Variants in WDFY2 observed in about 807,000 individuals in gnomAD.
WDFY2 encodes the protein WD repeat and FYVE domain-containing protein 2.
WDFY2 carries 36 observed loss-of-function variants against 56.4 expected under a neutral mutation model. The observed-to-expected ratio is 0.64, with a 90% CI of 0.49 to 0.84. The LOEUF (loss-of-function observed/expected upper bound fraction) is 0.84. WDFY2 is among the 40% of genes least tolerant of loss of function. The probability of loss-of-function intolerance (pLI) is 0.00; values close to 1 mark genes in which losing one functional copy is unlikely to be tolerated. For missense variants in WDFY2, 444 were observed against 512.2 expected, an observed-to-expected ratio of 0.87 and a Z score of 1.29; for synonymous variants, 176 against 183.7, an observed-to-expected ratio of 0.96 and a Z score of 0.34.
intron 6 of WDFY2, among the ~76,000 whole-genome samples, chr13:51,738,506 A>G (rs935898443): frequency 4.6e-5 from 7 of 152,234 alleles, no homozygotes; most frequent in Admixed American, 1.3e-4. Flanking sequence ...TGCATTTTAC[A>G]GTTGAGGAAA....
intron 2 of WDFY2, 149 bp downstream of exon 2, chr13:51,660,812 C>T: frequency 1.6e-6 from 1 of 644,042 alleles, no homozygotes; most frequent in Non-Finnish European, 2.6e-6. Context: ...TTTTCTAAGG[C>T]TTTCACTATG....
intron 1 of WDFY2, among the ~76,000 whole-genome samples, chr13:51,608,090 A>G (rs1226922088): frequency 6.6e-6 from 1 of 152,164 alleles, no homozygotes; most frequent in Non-Finnish European, 1.5e-5. Context: ...CCCTGTTGAC[A>G]CCTTGATTTT....
At chr13:51,733,815 T>C (rs1040404244) in intron 6 of WDFY2, among the ~76,000 whole-genome samples, 1 of 152,132 alleles carries the variant, frequency 6.6e-6, no homozygotes, top group African/African-American at 2.4e-5. Context: ...GGTGATGGCA[T>C]TTCCTGAAAC....
At chr13:51,758,167 C>G (rs757273060) in intron 10 of WDFY2, 25 bp from the exon 11 acceptor site, 1 of 1,528,240 alleles carries the variant, frequency 6.5e-7, no homozygotes, top group South Asian at 1.2e-5. Flanking sequence ...CTTTTCCCCT[C>G]AGAAGCTTTC....
intron 1 of WDFY2, among the ~76,000 whole-genome samples, chr13:51,623,535 AT>A (rs1954781731): frequency 1.3e-5 from 2 of 151,988 alleles, no homozygotes; most frequent in African/African-American, 4.8e-5. Flanking sequence ...AAAAATCTCC[AT>A]TTTTTAAATA....
intron 7 of WDFY2, 56 bp downstream of exon 7, chr13:51,739,231 T>C (rs1952910799): frequency 2.6e-6 from 4 of 1,523,716 alleles, no homozygotes; most frequent in Non-Finnish European, 3.5e-6. Context: ...AGCTGACAGC[T>C]AGAACAAAGG....
intron 6 of WDFY2, among the ~76,000 whole-genome samples, chr13:51,734,989 A>C (rs1268707586): frequency 6.6e-6 from 1 of 152,238 alleles, no homozygotes; most frequent in Non-Finnish European, 1.5e-5. Flanking sequence ...CACTGCCTGG[A>C]ATGCAGGGTA....
intron 3 of WDFY2, among the ~76,000 whole-genome samples, chr13:51,689,001 C>T (rs770384658): frequency 6.6e-6 from 1 of 152,192 alleles, no homozygotes; most frequent in Non-Finnish European, 1.5e-5. Flanking sequence ...TTGTGTGATA[C>T]ATCAGTGTTC....
chr13:51,649,917 A>G (rs1238253859), intron 1 of WDFY2, among the ~76,000 whole-genome samples: 3 of 152,034 alleles, frequency 2.0e-5, no homozygotes, highest in Non-Finnish European at 4.4e-5. Flanking sequence ...TTTTGGTTCC[A>G]TATGAACTTT....
At chr13:51,696,846 A>G (rs1438470479) in intron 3 of WDFY2, among the ~76,000 whole-genome samples, 1 of 152,258 alleles carries the variant, frequency 6.6e-6, no homozygotes, top group African/African-American at 2.4e-5. Context: ...TAACTACATA[A>G]AATGCAGAAC....
At chr13:51,623,545 T>A (rs1200350636) in intron 1 of WDFY2, among the ~76,000 whole-genome samples, 1 of 152,200 alleles carries the variant, frequency 6.6e-6, no homozygotes, top group Non-Finnish European at 1.5e-5. Flanking sequence ...ATTTTTTAAA[T>A]AACCAGTTGT....
At chr13:51,681,836 C>T (rs1272885871) in intron 3 of WDFY2, among the ~76,000 whole-genome samples, 1 of 152,134 alleles carries the variant, frequency 6.6e-6, no homozygotes, top group Admixed American at 6.6e-5. Context: ...AAAACTCTTG[C>T]TGTATTGTGC....
intron 2 of WDFY2, among the ~76,000 whole-genome samples, chr13:51,663,002 A>G (rs1331416641): frequency 1.3e-5 from 2 of 152,194 alleles, no homozygotes; most frequent in Middle Eastern, 3.2e-3. Context: ...GCATTTAACA[A>G]AATCCCTAGA....
At chr13:51,646,831 G>T (rs1204834466) in intron 1 of WDFY2, among the ~76,000 whole-genome samples, 1 of 152,188 alleles carries the variant, frequency 6.6e-6, no homozygotes, top group East Asian at 1.9e-4. Context: ...GCTAGGATGG[G>T]TAGGGGCATG....
chr13:51,759,188 T>G (rs1953499119), intron 11 of WDFY2, among the ~76,000 whole-genome samples: 1 of 152,098 alleles, frequency 6.6e-6, no homozygotes. Flanking sequence ...CTCAAAATAA[T>G]TAATTAATTA....
chr13:51,584,856 G>T (rs199599236), intron 1 of WDFY2, 32 bp downstream of exon 1: 4 of 1,609,990 alleles, frequency 2.5e-6, no homozygotes, highest in East Asian at 4.5e-5. Flanking sequence ...CCGCGAGGAG[G>T]GGCGGGACGG....
intron 3 of WDFY2, among the ~76,000 whole-genome samples, chr13:51,702,793 T>C (rs1016804279): frequency 5.9e-5 from 9 of 152,354 alleles, no homozygotes; most frequent in Admixed American, 5.2e-4. Context: ...CAATTTATTA[T>C]ACTTTGCAGC....
At chr13:51,707,184 G>A (rs1952101689) in intron 4 of WDFY2, among the ~76,000 whole-genome samples, 1 of 152,206 alleles carries the variant, frequency 6.6e-6, no homozygotes, top group Non-Finnish European at 1.5e-5. Flanking sequence ...CAGGGAGACA[G>A]GGTCTCAATC....
intron 1 of WDFY2, among the ~76,000 whole-genome samples, chr13:51,645,691 ATTC>A (rs927452434): frequency 6.6e-6 from 1 of 152,150 alleles, no homozygotes; most frequent in Non-Finnish European, 1.5e-5. Context: ...AAGAAGGATT[ATTC>A]TTCTGCCTCT....
Sources: allele counts gnomAD v4.1 joint callset (sites outside exome capture counted in the v4.1 genomes callset), GRCh38; gene constraint gnomAD v4.1.1; transcripts MANE v1.5; gene names NCBI Gene and HGNC (gene_info 2026-07-23, HGNC 2026-07-21).